Variants in SEMA3D observed in about 807,000 individuals in gnomAD.
The protein encoded by SEMA3D is semaphorin 3D, also known as semaphorin-3D.
SEMA3D carries 84 observed loss-of-function variants against 100.1 expected under a neutral mutation model. The ratio of observed to expected loss-of-function variants is 0.84; its 90% CI spans 0.70 to 1.01. SEMA3D has a LOEUF of 1.01. Ranked by LOEUF, SEMA3D falls within the 50% of genes least tolerant of loss-of-function variation. The pLI is 0.00. For missense variants in SEMA3D, 875 were observed against 934.1 expected (o/e 0.94, Z 0.82); for synonymous variants, 312 against 320.7 (o/e 0.97, Z 0.29).
chr7:85,096,675 T>C (rs753112531), intron 4 of SEMA3D, among the ~76,000 whole-genome samples: 2 of 151,914 alleles, frequency 1.3e-5, no homozygotes, highest in Non-Finnish European at 2.9e-5. Context: ...AAACCAAATA[T>C]CATTGTTCTA....
Position 85,186,905 on chromosome 7 carries a change from G to C in SEMA3D, c.-400C>G, listed in dbSNP as rs907326042. On this transcript the variant is annotated 5_prime_UTR_variant, in exon 1 of 19. Transcript: ENST00000284136. The stretch of plus-strand genomic sequence containing the variant: ...GGCAGGGGGCGCTGCTGCCTCCCCC[G>C]AGAGCCGCGCTAGGACAGGCGGAGA... 1 of 152,192 alleles carries C rather than the reference G, an allele frequency of 6.6e-6. No homozygotes were observed. Among genetic ancestry groups the C allele is most frequent in the Non-Finnish European group, 1.5e-5 (1 of 68,138 alleles). The allele number at this position is 152,192 out of a possible 1,614,324, so 9.4% of individuals were successfully genotyped here.
upstream of SEMA3D, among the ~76,000 whole-genome samples, chr7:85,187,962 C>A (rs987011787): frequency 1.3e-5 from 2 of 152,136 alleles, no homozygotes; most frequent in Non-Finnish European, 2.9e-5. Context: ...TAGTCCCAAA[C>A]ATAAATCTGA....
the SEMA3D span, among the ~76,000 whole-genome samples, chr7:85,230,534 T>C: frequency 6.6e-6 from 1 of 152,228 alleles, no homozygotes; most frequent in East Asian, 1.9e-4. Flanking sequence ...ATTGTAGAGC[T>C]TGAAGTCGTC....
chr7:85,004,231 T>C (rs776887371), intron 18 of SEMA3D, among the ~76,000 whole-genome samples: 15 of 151,992 alleles, frequency 9.9e-5, no homozygotes, highest in Non-Finnish European at 1.9e-4. Flanking sequence ...AAATATTATT[T>C]ATGCTTATCT....
At chr7:85,007,438 C>T (rs1304024570) in intron 17 of SEMA3D, among the ~76,000 whole-genome samples, 1 of 151,702 alleles carries the variant, frequency 6.6e-6, no homozygotes, top group Admixed American at 6.6e-5. Context: ...CTGCACCTGA[C>T]AAAATTCTAT....
chr7:85,080,679 G>C (rs1292124683), intron 5 of SEMA3D, among the ~76,000 whole-genome samples: 1 of 152,050 alleles, frequency 6.6e-6, no homozygotes, highest in Admixed American at 6.6e-5. Flanking sequence ...CAAGAAGTCA[G>C]GACAGAAGAC....
chr7:85,024,282 A>T (rs186998128), intron 12 of SEMA3D, among the ~76,000 whole-genome samples: 72 of 152,100 alleles, frequency 4.7e-4, no homozygotes, highest in African/African-American at 1.7e-3. Flanking sequence ...TTGGTGTATC[A>T]TTAAAATCAA....
At chr7:85,171,328 A>C (rs1791076764) in intron 1 of SEMA3D, among the ~76,000 whole-genome samples, 1 of 152,066 alleles carries the variant, frequency 6.6e-6, no homozygotes, top group South Asian at 2.1e-4. Context: ...TCAGTGAACA[A>C]AGTCTATAGA....
intron 9 of SEMA3D, among the ~76,000 whole-genome samples, chr7:85,043,976 A>AT (rs556826428): frequency 7.2e-4 from 109 of 152,246 alleles, no homozygotes; most frequent in African/African-American, 2.5e-3. Flanking sequence ...TTTTTCATTC[A>AT]TTTAACCCAA....
At chr7:85,082,815 C>G (rs1338304601) in intron 4 of SEMA3D, among the ~76,000 whole-genome samples, 1 of 152,218 alleles carries the variant, frequency 6.6e-6, no homozygotes, top group Non-Finnish European at 1.5e-5. Context: ...AGATTGTTTA[C>G]TTAGAGAAGA....
At chr7:85,060,771 A>G (rs1167208849) in intron 8 of SEMA3D, among the ~76,000 whole-genome samples, 1 of 152,264 alleles carries the variant, frequency 6.6e-6, no homozygotes, top group Admixed American at 6.5e-5. Context: ...TTTTCCTATT[A>G]TCATTTTTTG....
chr7:85,250,241 C>A, the SEMA3D span, among the ~76,000 whole-genome samples: 4 of 144,248 alleles, frequency 2.8e-5, no homozygotes, highest in African/African-American at 1.0e-4. Flanking sequence ...TTGCTGATTG[C>A]CAGCACAGCA....
At chr7:85,118,721 CT>C (rs1457237359) in intron 3 of SEMA3D, among the ~76,000 whole-genome samples, 1 of 152,136 alleles carries the variant, frequency 6.6e-6, no homozygotes, top group Non-Finnish European at 1.5e-5. Context: ...TGTAGGTTGT[CT>C]GTTGACTCAA....
the SEMA3D span, among the ~76,000 whole-genome samples, chr7:85,228,087 T>C: frequency 1.3e-5 from 2 of 152,186 alleles, no homozygotes; most frequent in Admixed American, 6.5e-5. Context: ...TGTTAGACTG[T>C]ACTTTTTATA....
At chr7:85,042,397 A>C in intron 9 of SEMA3D, 112 bp from the exon 10 acceptor site, 1 of 739,466 alleles carries the variant, frequency 1.4e-6, no homozygotes, top group South Asian at 1.7e-5. Context: ...TTACAAAGAC[A>C]CTGAACCCAG....
upstream of SEMA3D, among the ~76,000 whole-genome samples, chr7:85,191,401 T>C (rs929384364): frequency 1.3e-5 from 2 of 152,082 alleles, no homozygotes; most frequent in East Asian, 1.9e-4. Flanking sequence ...TAAAAAATCA[T>C]CTTTAAGTTT....
the SEMA3D span, among the ~76,000 whole-genome samples, chr7:85,218,542 G>GT: frequency 6.6e-6 from 1 of 152,050 alleles, no homozygotes; most frequent in South Asian, 2.1e-4. Context: ...ACAATGTGCA[G>GT]TTTGAAGAGT....
In SEMA3D at chr7:85,006,847, A is replaced by C; in HGVS notation, c.1863T>G (p.Thr621=). Residue 621 remains threonine, a synonymous_variant, in exon 18 of 19, where the codon ACT becomes ACG. Coordinates refer to ENST00000284136, the MANE Select transcript of SEMA3D (RefSeq NM_001384900.1). ...CTGACCTCTGGATATACCATTTAAT[A>C]GTTGCTTGTTGGGATTTAGGTATAC... The part of the protein sequence containing the change: ...LECIPKSQQA[T]IKWYIQRSGD... 6.2e-7 allele frequency: 1 copy of C among 1,611,110 alleles called. No homozygotes were observed. Among genetic ancestry groups the C allele is most frequent in the Non-Finnish European group, 8.5e-7 (1 of 1,178,104 alleles).
chr7:85,140,274 C>T, intron 2 of SEMA3D: 2 of 962,388 alleles, frequency 2.1e-6, no homozygotes, highest in East Asian at 1.1e-4. Flanking sequence ...TGCATTTTCT[C>T]TTTTCCTCAA....
Sources: gnomAD v4.1 joint callset for allele counts (sites outside exome capture counted in the v4.1 genomes callset) on GRCh38, gnomAD v4.1.1 for gene constraint, MANE v1.5 for transcripts, NCBI Gene and HGNC (gene_info 2026-07-23, HGNC 2026-07-21) for gene names.